Variants in PRDM11 observed in about 807,000 individuals in gnomAD.
The protein encoded by PRDM11 is PR domain-containing protein 11.
A neutral mutation model predicts 97.8 loss-of-function variants in PRDM11; 20 were observed. The observed-to-expected ratio is 0.20, with a 90% CI of 0.14 to 0.30. PRDM11 has a LOEUF of 0.30. Ranked by LOEUF, PRDM11 falls within the 10% of genes least tolerant of loss-of-function variation. The pLI, the probability that PRDM11 is intolerant of heterozygous loss-of-function variation, is 1.00. For synonymous variants in PRDM11, 599 were observed against 637.7 expected, an observed-to-expected ratio of 0.94 and a Z score of 0.91; for missense variants, 1,139 against 1,555.2, an observed-to-expected ratio of 0.73 and a Z score of 4.50.
chr11:45,222,872 G>A (rs1697734690), intron 6 of PRDM11, among the ~76,000 whole-genome samples: 1 of 152,162 alleles, frequency 6.6e-6, no homozygotes, highest in African/African-American at 2.4e-5. Context: ...CCCTGCACCT[G>A]GTCTAGGAAA....
chr11:45,110,583 G>T (rs1221304162), intron 1 of PRDM11, among the ~76,000 whole-genome samples: 1 of 152,246 alleles, frequency 6.6e-6, no homozygotes. Flanking sequence ...AAAGTGCCCA[G>T]AAAGAGGACA....
At chr11:45,121,544 C>CA (rs1281629539) in intron 1 of PRDM11, among the ~76,000 whole-genome samples, 4 of 151,928 alleles carry the variant, frequency 2.6e-5, no homozygotes, top group African/African-American at 9.7e-5. Flanking sequence ...AGCAAGCAAA[C>CA]AAAAAACAGT....
In PRDM11 at chr11:45,229,491, C is replaced by CAT. The variant is rs1854355614; in HGVS notation, c.*1333_*1334insTA. ...ACACACACACACACACAGACACACA[C>CAT]ACACACACAGACACACACACACACA... On this transcript the variant is annotated 3_prime_UTR_variant, in exon 8 of 8. Coordinates refer to ENST00000683152, the MANE Select transcript of PRDM11 (RefSeq NM_001384648.1). 6.6e-6 allele frequency: 1 copy of CAT among 150,736 alleles called. No individual in the cohort carries two copies. The highest frequency in any genetic ancestry group is 2.4e-5 in the African/African-American group (1 of 41,002). The allele number at this position is 150,736 out of a possible 1,614,324, so 9.3% of individuals were successfully genotyped here.
At position 45,204,713 on chromosome 11, in the gene PRDM11, T is replaced by G; in HGVS notation, c.489T>G (p.Ile163Met). Reference sequence around the variant, plus strand: ...TAGACTCTTTCTCTTTCTTCCAGATTGTGGACAAGAACAACCGCTATAAGT... The same window carrying G: ...TAGACTCTTTCTCTTTCTTCCAGATGGTGGACAAGAACAACCGCTATAAGT... The part of the protein sequence containing the change: ...DKSAGFFSWL[I>M]VDKNNRYKSI... The change falls in exon 5 of 8, where the codon ATT becomes ATG. Residue 163 changes from isoleucine (I) to methionine (M), a missense_variant and splice_region_variant. By Grantham distance (10) the Ile-to-Met change is conservative. Around this residue, in one of 2 missense-constraint regions of PRDM11, gnomAD observed 429 missense variants for 510.3 expected, o/e 0.84. Coordinates refer to ENST00000683152, the MANE Select transcript of PRDM11 (RefSeq NM_001384648.1). 3.1e-6 allele frequency: 5 copies of G among 1,611,146 alleles called. No individual in the cohort carries two copies. Among genetic ancestry groups the G allele is most frequent in the Non-Finnish European group, 3.4e-6 (4 of 1,177,324 alleles).
intron 4 of PRDM11, among the ~76,000 whole-genome samples, chr11:45,202,799 A>G (rs953983240): frequency 7.2e-5 from 11 of 152,204 alleles, no homozygotes; most frequent in African/African-American, 2.4e-4. Context: ...GCTTTAGCTG[A>G]TGGGCACAGG....
At chr11:45,139,306 C>A (rs539739922) in intron 1 of PRDM11, among the ~76,000 whole-genome samples, 1 of 152,150 alleles carries the variant, frequency 6.6e-6, no homozygotes, top group Non-Finnish European at 1.5e-5. Flanking sequence ...CAGTGGCTCA[C>A]GCCTGTAATT....
At chr11:45,129,594 C>T (rs1434894310) in intron 1 of PRDM11, among the ~76,000 whole-genome samples, 1 of 151,944 alleles carries the variant, frequency 6.6e-6, no homozygotes, top group East Asian at 1.9e-4. Flanking sequence ...GCAAGATATC[C>T]ACCCTATAAA....
intron 1 of PRDM11, among the ~76,000 whole-genome samples, chr11:45,154,701 C>A (rs1373222407): frequency 6.6e-6 from 1 of 152,130 alleles, no homozygotes; most frequent in Non-Finnish European, 1.5e-5. Context: ...ATAAGAGCAA[C>A]CAGAACTCTC....
chr11:45,106,440 G>A (rs1852063194), intron 1 of PRDM11, among the ~76,000 whole-genome samples: 1 of 152,146 alleles, frequency 6.6e-6, no homozygotes, highest in East Asian at 1.9e-4. Context: ...TCTCTCACGA[G>A]CTAGATGTTC....
At chr11:45,205,458 CA>C (rs1323124142) in intron 5 of PRDM11, among the ~76,000 whole-genome samples, 2 of 151,966 alleles carry the variant, frequency 1.3e-5, no homozygotes, top group Non-Finnish European at 2.9e-5. Flanking sequence ...GGTTTGTGGA[CA>C]GGGGTGGGAG....
chr11:45,199,909 G>T (rs1853266640), intron 4 of PRDM11, among the ~76,000 whole-genome samples: 1 of 152,192 alleles, frequency 6.6e-6, no homozygotes, highest in Non-Finnish European at 1.5e-5. Context: ...AAGGTCCTCA[G>T]TAGATTCCCA....
At chr11:45,129,067 T>C (rs887262493) in intron 1 of PRDM11, among the ~76,000 whole-genome samples, 1 of 152,210 alleles carries the variant, frequency 6.6e-6, no homozygotes, top group African/African-American at 2.4e-5. Flanking sequence ...AAGCATATAA[T>C]CATCTTGATA....
intron 7 of PRDM11, chr11:45,225,051 C>A: frequency 4.8e-6 from 7 of 1,443,516 alleles, no homozygotes; most frequent in Non-Finnish European, 6.3e-6. Flanking sequence ...ATGTGTTGCC[C>A]TTGTATCCTC....
chr11:45,110,663 G>A (rs181178123), intron 1 of PRDM11, among the ~76,000 whole-genome samples: 63 of 152,328 alleles, frequency 4.1e-4, no homozygotes, highest in Non-Finnish European at 7.3e-4. Context: ...GTCCTGGACC[G>A]GTGGCCACGA....
At chr11:45,178,423 C>A (rs1397359160) in intron 1 of PRDM11, among the ~76,000 whole-genome samples, 1 of 152,150 alleles carries the variant, frequency 6.6e-6, no homozygotes, top group Non-Finnish European at 1.5e-5. Flanking sequence ...CATCCTACCC[C>A]CTAGTGCTCC....
chr11:45,115,307 CAA>C, intron 1 of PRDM11, among the ~76,000 whole-genome samples: 1 of 151,622 alleles, frequency 6.6e-6, no homozygotes. Flanking sequence ...TTTGCTAATG[CAA>C]AGAGGTTTTG....
At chr11:45,200,692 T>C (rs921971867) in intron 4 of PRDM11, among the ~76,000 whole-genome samples, 50 of 152,208 alleles carry the variant, frequency 3.3e-4, no homozygotes, top group African/African-American at 1.1e-3. Flanking sequence ...AGTAGTGTTA[T>C]GATAAAATCC....
chr11:45,140,800 C>T (rs1590372768), intron 1 of PRDM11, among the ~76,000 whole-genome samples: 1 of 152,068 alleles, frequency 6.6e-6, no homozygotes, highest in South Asian at 2.1e-4. Flanking sequence ...ATGCCCCAGT[C>T]CCCATCCCTT....
chr11:45,202,186 A>G (rs1853353257), intron 4 of PRDM11, among the ~76,000 whole-genome samples: 1 of 152,186 alleles, frequency 6.6e-6, no homozygotes, highest in Admixed American at 6.5e-5. Flanking sequence ...GTATTCCACC[A>G]TGTGCCATGC....
Sources: allele counts gnomAD v4.1 joint callset (sites outside exome capture counted in the v4.1 genomes callset), GRCh38; gene constraint gnomAD v4.1.1; regional missense constraint gnomAD v4.1.1; transcripts MANE v1.5; gene names NCBI Gene and HGNC (gene_info 2026-07-23, HGNC 2026-07-21).